PANK2: variants seen among roughly 807,000 people sequenced by gnomAD.
PANK2 encodes the protein pantothenate kinase 2.
In PANK2, 36 loss-of-function variants were observed where a neutral mutation model predicts 43.1. That is an observed-to-expected ratio of 0.84 (90% CI 0.64 to 1.10). The LOEUF is 1.10. Among genes scored for constraint, PANK2 ranks in the 50% least tolerant of loss-of-function variants. The pLI, the probability that PANK2 is intolerant of heterozygous loss-of-function variation, is 0.00. For missense variants in PANK2, 576 were observed against 593.3 expected (o/e 0.97, Z 0.30); for synonymous variants, 281 against 238.2 (o/e 1.18, Z -1.66).
Position 3,929,240 on chromosome 20 carries a change from A to AAAT in PANK2, c.*5950_*5952dup, listed in dbSNP as rs1426013569. On this transcript the variant is annotated 3_prime_UTR_variant, in exon 7 of 7. Transcript: ENST00000610179. ...TGAGTTGAGACCTGTCTCTACAAAAAAATAATTACGAAAATTAGCCAGGTG... is the reference window on the plus strand; with the variant it reads ...TGAGTTGAGACCTGTCTCTACAAAAAAATAATAATTACGAAAATTAGCCAGGTG... 6.6e-6 allele frequency: 1 copy of AAAT among 152,288 alleles called. No homozygotes were observed. Among genetic ancestry groups the AAAT allele is most frequent in the Non-Finnish European group, 1.5e-5 (1 of 68,086 alleles). 9.4% of individuals were successfully genotyped at this position (152,288 alleles called of 1,614,324 possible).
chr20:3,919,422 GTTTTTTCAT>G (rs1393921828), intron 6 of PANK2, among the ~76,000 whole-genome samples: 1 of 151,868 alleles, frequency 6.6e-6, no homozygotes, highest in Non-Finnish European at 1.5e-5. Flanking sequence ...CTGGGTTCTG[GTTTTTTCAT>G]TTTTTTCAGT....
rs1362169772 is a variant in PANK2, at chr20:3,889,626, G to T, written c.196G>T (p.Gly66Trp). ...GAGCAGCGCGTCGGTGCCCGCGGTC[G>T]GGGCCTCGGCTGAGGGCACGAGGCG... Residue 66 changes from glycine (G) to tryptophan (W), a missense_variant, in exon 1 of 7, where the codon GGG (glycine) becomes TGG (tryptophan). Physicochemically the swap from Gly to Trp is radical, Grantham distance 184. This residue lies in a region of PANK2 where 544 missense variants were observed against 528.9 expected (regional missense o/e 1.03). Transcript: ENST00000610179. 1.9e-6 allele frequency: 3 copies of T among 1,552,130 alleles called. No individual in the cohort carries two copies. The highest frequency in any genetic ancestry group is 2.6e-6 in the Non-Finnish European group (3 of 1,158,682).
chr20:3,892,484 C>A (rs2090139099), intron 1 of PANK2, among the ~76,000 whole-genome samples: 1 of 151,588 alleles, frequency 6.6e-6, no homozygotes, highest in South Asian at 2.1e-4. Context: ...GGAATGGTGC[C>A]ACCTTTCTGG....
chr20:3,919,055 C>T (rs917585844), intron 6 of PANK2, among the ~76,000 whole-genome samples: 7 of 152,112 alleles, frequency 4.6e-5, no homozygotes, highest in Non-Finnish European at 1.0e-4. Flanking sequence ...TACAAGTGTG[C>T]GCCCCCACAC....
At chr20:3,898,103 G>T (rs2090239764) in intron 1 of PANK2, among the ~76,000 whole-genome samples, 2 of 151,998 alleles carry the variant, frequency 1.3e-5, no homozygotes, top group Non-Finnish European at 2.9e-5. Context: ...CTTACTAATT[G>T]GAATTTCTAA....
At position 3,927,936 on chromosome 20, in the gene PANK2, C is replaced by T. The variant is rs1430616724; in HGVS notation, c.*4642C>T. Reference sequence around the variant, plus strand: ...GGTCAAAAAGTGGAGTACATCTTTGCATCTTGTAACAATTTGGGCTCTACA... The same window carrying T: ...GGTCAAAAAGTGGAGTACATCTTTGTATCTTGTAACAATTTGGGCTCTACA... On this transcript the variant is annotated 3_prime_UTR_variant, in exon 7 of 7. Coordinates refer to ENST00000610179, the MANE Select transcript of PANK2 (RefSeq NM_001386393.1). The T allele has an allele frequency of 6.6e-6, 1 of 152,204 alleles. No individual in the cohort carries two copies. The highest frequency in any genetic ancestry group is 6.5e-5 in the Admixed American group (1 of 15,270). 9.4% of individuals were successfully genotyped at this position (152,204 alleles called of 1,614,324 possible).
Position 3,907,982 on chromosome 20 carries a change from G to A in PANK2, c.355G>A (p.Glu119Lys). 1 of 1,614,090 alleles carries A rather than the reference G, an allele frequency of 6.2e-7. No homozygotes were observed. Among genetic ancestry groups the A allele is most frequent in the East Asian group, 2.2e-5 (1 of 44,882 alleles). ...AACTCTGGTCAAGCTGGTATATTTT[G>A]AACCCAAAGACATCACTGCTGAAGA... Residue 119 changes from glutamate (E) to lysine (K), a missense_variant, in exon 2 of 7, where the codon GAA becomes AAA. Glu to Lys is a moderately conservative substitution (Grantham distance 56). Coordinates refer to ENST00000610179, the MANE Select transcript of PANK2 (RefSeq NM_001386393.1).
At chr20:3,922,517 C>T (rs969072091) in intron 6 of PANK2, among the ~76,000 whole-genome samples, 1 of 152,148 alleles carries the variant, frequency 6.6e-6, no homozygotes, top group African/African-American at 2.4e-5. Context: ...CTTCACGTTA[C>T]CTTTGGGTGG....
rs999727706 is a variant in PANK2 at position 3,889,976 on chromosome 20, A to T, written c.298+248A>T. 5.4e-6 allele frequency: 8 copies of T among 1,476,550 alleles called. No individual in the cohort carries two copies. The Admixed American group carries it at 1.6e-4, about 30-fold the overall frequency. 91.5% of individuals were successfully genotyped at this position (1,476,550 alleles called of 1,614,324 possible). A position where few individuals can be genotyped will look rare whatever the true frequency, so the allele number is the denominator to read the frequency against. ...TTGGAGTGGAGGGCTTTTCCCCAGG[A>T]CCTGTCCTCCCTTTTCTTAGCTCCT... is the stretch of plus-strand genomic sequence containing the variant. On this transcript the variant is annotated intron_variant, in intron 1 of 6. Coordinates refer to ENST00000610179, the MANE Select transcript of PANK2 (RefSeq NM_001386393.1).
intron 6 of PANK2, among the ~76,000 whole-genome samples, chr20:3,922,757 A>C (rs71647857): frequency 0.018 from 2,667 of 151,496 alleles, 84 homozygotes; most frequent in African/African-American, 0.061. Context: ...AATCCATCTT[A>C]TCTCTTACTC....
At chr20:3,922,326 A>C (rs185348548) in intron 6 of PANK2, among the ~76,000 whole-genome samples, 2 of 152,038 alleles carry the variant, frequency 1.3e-5, no homozygotes, top group African/African-American at 4.8e-5. Flanking sequence ...CGTTTTCTCT[A>C]ATGTGCTATT....
At chr20:3,911,719 C>T (rs888293223) in intron 3 of PANK2, among the ~76,000 whole-genome samples, 7 of 151,270 alleles carry the variant, frequency 4.6e-5, no homozygotes, top group African/African-American at 1.7e-4. Flanking sequence ...TGGAGAAACC[C>T]CATCTCTACT....
rs2090766853 is a variant in PANK2 at position 3,928,729 on chromosome 20, CAG to C, written c.*5438_*5439del. 9.4e-6 allele frequency: 1 copy of C among 106,640 alleles called. No individual in the cohort carries two copies. Among genetic ancestry groups the C allele is most frequent in the South Asian group, 3.2e-4 (1 of 3,148 alleles). 6.6% of individuals were successfully genotyped at this position (106,640 alleles called of 1,614,324 possible). ...TGCCACTGCATTCCAGCCTGGGTGA[CAG>C]AGCGAGACTCCGTCTCAAAAAAAAA... On this transcript the variant is annotated 3_prime_UTR_variant, in exon 7 of 7. Coordinates refer to ENST00000610179, the MANE Select transcript of PANK2 (RefSeq NM_001386393.1).
At position 3,898,491 on chromosome 20, in the gene PANK2, C is replaced by T. The variant is rs117886828; in HGVS notation, c.298+8763C>T. Among the ~76,000 whole-genome samples the T allele has an allele frequency of 6.0e-3, 913 of 152,190 alleles. 11 individuals are homozygous for T. Among genetic ancestry groups the T allele is most frequent in the Non-Finnish European group, 9.5e-3 (645 of 68,000 alleles). Reference sequence around the variant, plus strand: ...CTGGGATTATAGGCATGAGCTGCCTCGCCCTTAGGCTTTCTTGCTGAGTAT... The same window carrying T: ...CTGGGATTATAGGCATGAGCTGCCTTGCCCTTAGGCTTTCTTGCTGAGTAT... On this transcript the variant is annotated intron_variant, in intron 1 of 6. Coordinates refer to ENST00000610179, the MANE Select transcript of PANK2 (RefSeq NM_001386393.1).
intron 1 of PANK2, among the ~76,000 whole-genome samples, chr20:3,902,199 G>A (rs1477156249): frequency 1.3e-5 from 2 of 148,800 alleles, no homozygotes; most frequent in African/African-American, 5.0e-5. Context: ...CAGAGTCTCA[G>A]TCTGTTACCC....
chr20:3,925,568 C>G lies in PANK2; in HGVS notation c.*2274C>G, dbSNP rs2090708188. 6.6e-6 allele frequency: 1 copy of G among 152,172 alleles called. No homozygotes were observed. The highest frequency in any genetic ancestry group is 6.5e-5 in the Admixed American group (1 of 15,272). 9.4% of individuals were successfully genotyped at this position (152,172 alleles called of 1,614,324 possible). A position where few individuals can be genotyped will look rare whatever the true frequency, so the allele number is the denominator to read the frequency against. Reference sequence around the variant, plus strand: ...GTTCTTGATAGGCCACCAGTGAATCCCATGCCACCGAATCTGGCATTCATT... The same window carrying G: ...GTTCTTGATAGGCCACCAGTGAATCGCATGCCACCGAATCTGGCATTCATT... On this transcript the variant is annotated 3_prime_UTR_variant, in exon 7 of 7. Coordinates refer to ENST00000610179, the MANE Select transcript of PANK2 (RefSeq NM_001386393.1).
intron 1 of PANK2, among the ~76,000 whole-genome samples, chr20:3,894,478 G>T (rs2090173594): frequency 6.6e-6 from 1 of 152,008 alleles, no homozygotes; most frequent in African/African-American, 2.4e-5. Context: ...GACCTCCGGT[G>T]ATCTGCCCAC....
chr20:3,895,114 C>T (rs1176097727), intron 1 of PANK2, among the ~76,000 whole-genome samples: 1 of 151,738 alleles, frequency 6.6e-6, no homozygotes, highest in Admixed American at 6.6e-5. Context: ...CCTCGTCTCT[C>T]CAAAAATAAA....
Position 3,907,902 on chromosome 20 carries a change from G to T in PANK2, c.299-24G>T. 4 of 1,603,202 alleles carry T rather than the reference G, an allele frequency of 2.5e-6. No homozygotes were observed. The South Asian group carries it at 4.4e-5, about 18-fold the overall frequency. On this transcript the variant is annotated intron_variant, in intron 1 of 6. Transcript: ENST00000610179. ...TTAATTTTCAGAAAAAAGCTGTTCT[G>T]ACTTATTTTTCTTCCCCATTTAGTT...
Sources: gnomAD v4.1 joint callset for allele counts (sites outside exome capture counted in the v4.1 genomes callset) on GRCh38, gnomAD v4.1.1 for gene constraint, gnomAD v4.1.1 regional missense constraint, MANE v1.5 for transcripts, NCBI Gene and HGNC (gene_info 2026-07-23, HGNC 2026-07-21) for gene names.